Variants in SANBR observed in about 807,000 individuals in gnomAD.
SANBR encodes SANT and BTB domain regulator of CSR.
A neutral mutation model predicts 101.8 loss-of-function variants in SANBR; 77 were observed. The ratio of observed to expected loss-of-function variants is 0.76; its 90% CI spans 0.63 to 0.91. The LOEUF (loss-of-function observed/expected upper bound fraction) is 0.91. Ranked by LOEUF, SANBR falls within the 40% of genes least tolerant of loss-of-function variation. SANBR has a pLI of 0.00. For synonymous variants in SANBR, 279 were observed against 274.7 expected, an observed-to-expected ratio of 1.02 and a Z score of -0.15; for missense variants, 875 against 853.0, an observed-to-expected ratio of 1.03 and a Z score of -0.32.
intron 3 of SANBR, among the ~76,000 whole-genome samples, chr2:61,070,713 ATATATATT>A (rs1040750642): frequency 4.8e-5 from 7 of 146,798 alleles, no homozygotes; most frequent in African/African-American, 1.7e-4. Flanking sequence ...TATATATAGT[ATATATATT>A]TATATATAAT....
At chr2:61,116,301 GA>G (rs532494300) in intron 17 of SANBR, among the ~76,000 whole-genome samples, 287 of 152,252 alleles carry the variant, frequency 1.9e-3, no homozygotes, top group Non-Finnish European at 3.2e-3. Context: ...GTAGATGGGG[GA>G]AATATATAAA....
intron 14 of SANBR, among the ~76,000 whole-genome samples, chr2:61,107,549 T>C (rs966499121): frequency 6.6e-6 from 1 of 152,178 alleles, no homozygotes; most frequent in South Asian, 2.1e-4. Flanking sequence ...TAAGATAGCT[T>C]TTACTTGAGA....
Position 61,135,570 on chromosome 2 carries a change from A to G in SANBR, c.*44+1294A>G, listed in dbSNP as rs1009944872. Among the ~76,000 whole-genome samples the G allele has an allele frequency of 5.3e-5, 8 of 152,234 alleles. No homozygotes were observed. In the East Asian group the frequency reaches 1.5e-3, roughly 29 times the overall value. The stretch of plus-strand genomic sequence containing the variant: ...TGTTATGTGACATGATAATCGTTAA[A>G]AGACCAACACTGTAAGCCACAGCTA... On this transcript the variant is annotated intron_variant, in intron 21 of 21. Transcript: ENST00000295031.
intron 12 of SANBR, 62 bp from the exon 13 acceptor site, chr2:61,103,791 T>C (rs1683405969): frequency 6.9e-7 from 1 of 1,454,802 alleles, no homozygotes; most frequent in South Asian, 1.2e-5. Flanking sequence ...AGAAAAACAG[T>C]GATCTTTAAA....
At chr2:61,101,019 G>A (rs538370611) in intron 12 of SANBR, among the ~76,000 whole-genome samples, 3 of 152,302 alleles carry the variant, frequency 2.0e-5, no homozygotes, top group East Asian at 1.9e-4. Flanking sequence ...GTTACTGAAT[G>A]ATGGGTCATG....
At chr2:61,109,675 GTGTT>G (rs1573650286) in intron 16 of SANBR, among the ~76,000 whole-genome samples, 10 of 121,676 alleles carry the variant, frequency 8.2e-5, no homozygotes, top group East Asian at 7.0e-4. Context: ...TGTTTTTTTT[GTGTT>G]TGTTTTTTTT....
chr2:61,102,246 T>G (rs1573636644), intron 12 of SANBR, among the ~76,000 whole-genome samples: 1 of 145,580 alleles, frequency 6.9e-6, no homozygotes, highest in Admixed American at 6.9e-5. Flanking sequence ...CGTGGTGGTG[T>G]GCGCCTGTAG....
At position 61,123,365 on chromosome 2, in the gene SANBR, C is replaced by CGTACAGATT. The variant is rs1374205250; in HGVS notation, c.*1203_*1204insGTACAGATT. 3 of 978,518 alleles carry CGTACAGATT rather than the reference C, an allele frequency of 3.1e-6. No homozygotes were observed. Among genetic ancestry groups the CGTACAGATT allele is most frequent in the East Asian group, 1.1e-4 (1 of 8,934 alleles). 60.6% of individuals were successfully genotyped at this position (978,518 alleles called of 1,614,324 possible). On this transcript the variant is annotated 3_prime_UTR_variant, in exon 22 of 22. Coordinates refer to ENST00000402291, the MANE Select transcript of SANBR (RefSeq NM_001129993.3). ...ATATTGAAGTGTTACACTCAGTTTACACGTACAGAAATCATTCTTTTTAGT... is the reference window on the plus strand; with the variant it reads ...ATATTGAAGTGTTACACTCAGTTTACGTACAGATTACGTACAGAAATCATTCTTTTTAGT...
At chr2:61,127,846 T>C (rs191452679), downstream of SANBR, among the ~76,000 whole-genome samples, 741 of 152,288 alleles carry the variant, frequency 4.9e-3, 9 homozygotes, top group African/African-American at 0.016. Context: ...ACTTTCCAAA[T>C]CTGATGAAAA....
chr2:61,101,699 G>A (rs945309834), intron 12 of SANBR, among the ~76,000 whole-genome samples: 2 of 150,688 alleles, frequency 1.3e-5, no homozygotes, highest in African/African-American at 4.9e-5. Flanking sequence ...CTGCACGGCA[G>A]CCTGGGCAAC....
chr2:61,094,284 T>C (rs1682920890), intron 11 of SANBR, among the ~76,000 whole-genome samples: 1 of 152,210 alleles, frequency 6.6e-6, no homozygotes, highest in Admixed American at 6.5e-5. Flanking sequence ...AGTCAATTAA[T>C]TCCCCCACCC....
intron 11 of SANBR, among the ~76,000 whole-genome samples, chr2:61,096,836 CTGA>C (rs1317042354): frequency 6.6e-6 from 1 of 152,132 alleles, no homozygotes; most frequent in Non-Finnish European, 1.5e-5. Context: ...TTTATTAATA[CTGA>C]TGCTAAATAT....
intron 10 of SANBR, chr2:61,088,679 C>T (rs1447234492): frequency 3.2e-6 from 1 of 308,712 alleles, no homozygotes; most frequent in African/African-American, 2.2e-5. Flanking sequence ...TGCCACCACA[C>T]CCAGCTAGTT....
intron 6 of SANBR, among the ~76,000 whole-genome samples, chr2:61,079,366 G>A (rs966847058): frequency 6.6e-6 from 1 of 152,056 alleles, no homozygotes; most frequent in African/African-American, 2.4e-5. Flanking sequence ...TCACACTTGT[G>A]GTTTAATAGT....
chr2:61,108,367 GT>G lies in SANBR; in HGVS notation c.1644+20del. The G allele has an allele frequency of 1.3e-6, 2 of 1,513,566 alleles. No individual in the cohort carries two copies. Among genetic ancestry groups the G allele is most frequent in the South Asian group, 1.2e-5 (1 of 82,952 alleles). 93.8% of individuals were successfully genotyped at this position (1,513,566 alleles called of 1,614,324 possible). ...TACAACTGGTAAGTGAGCAATTACA[GT>G]TAGCATTCATGGATCTCTTTCTTCC... is the stretch of plus-strand genomic sequence containing the variant. On this transcript the variant is annotated intron_variant, in intron 15 of 21. Coordinates refer to ENST00000402291, the MANE Select transcript of SANBR (RefSeq NM_001129993.3).
intron 10 of SANBR, chr2:61,088,729 C>T: frequency 3.3e-6 from 1 of 301,506 alleles, no homozygotes; most frequent in Non-Finnish European, 5.1e-6. Context: ...CTGTGTTGGC[C>T]AGGCTGGTCT....
intron 21 of SANBR, among the ~76,000 whole-genome samples, chr2:61,135,607 A>G (rs1416199426): frequency 6.6e-6 from 1 of 152,220 alleles, no homozygotes; most frequent in Admixed American, 6.5e-5. Context: ...AAATGTGTTC[A>G]GGAGCATAAA....
chr2:61,120,487 G>A, intron 20 of SANBR, among the ~76,000 whole-genome samples: 1 of 152,176 alleles, frequency 6.6e-6, no homozygotes, highest in Non-Finnish European at 1.5e-5. Flanking sequence ...GCAACACAGA[G>A]CGATACTCCA....
At chr2:61,078,112 G>A (rs1316931264) in intron 6 of SANBR, among the ~76,000 whole-genome samples, 2 of 152,088 alleles carry the variant, frequency 1.3e-5, no homozygotes, top group African/African-American at 2.4e-5. Flanking sequence ...TTCAACATTT[G>A]GAATATCTGT....
Sources: allele counts gnomAD v4.1 joint callset (sites outside exome capture counted in the v4.1 genomes callset), GRCh38; gene constraint gnomAD v4.1.1; transcripts MANE v1.5; gene names NCBI Gene and HGNC (gene_info 2026-07-23, HGNC 2026-07-21).